PRKCH: variants seen among roughly 807,000 people sequenced by gnomAD.
PRKCH encodes protein kinase C eta, also known as protein kinase C eta type.
In PRKCH, 28 loss-of-function variants were observed where a neutral mutation model predicts 82.5. That is an observed-to-expected ratio of 0.34 (90% CI 0.25 to 0.47). The LOEUF is 0.47. Ranked by LOEUF, PRKCH falls within the 20% of genes least tolerant of loss-of-function variation. The pLI is 1.00. For missense variants in PRKCH, 705 were observed against 881.8 expected (o/e 0.80, Z 2.54); for synonymous variants, 322 against 327.4 (o/e 0.98, Z 0.18).
rs560914615 is a variant in PRKCH at position 61,370,818 on chromosome 14, A to G, written c.364-20407A>G. Among the ~76,000 whole-genome samples the G allele has an allele frequency of 1.4e-4, 22 of 152,210 alleles. No homozygotes were observed. The South Asian group carries it at 1.7e-3, about 11-fold the overall frequency. ...AATTTGCAGATAGGAGTACTCATAGAAAACTCTTGGGGTTCTCACTGTGGG... is the reference window on the plus strand; with the variant it reads ...AATTTGCAGATAGGAGTACTCATAGGAAACTCTTGGGGTTCTCACTGTGGG... On this transcript the variant is annotated intron_variant, in intron 1 of 13. Transcript: ENST00000332981.
At chr14:61,266,352 A>C (rs1473844267) in intron 1 of PRKCH, among the ~76,000 whole-genome samples, 3 of 152,214 alleles carry the variant, frequency 2.0e-5, no homozygotes, top group Non-Finnish European at 4.4e-5. Flanking sequence ...TGGGAGGCAG[A>C]GGTTGCAGTG....
chr14:61,334,327 G>A (rs1473459815), intron 1 of PRKCH, among the ~76,000 whole-genome samples: 5 of 152,108 alleles, frequency 3.3e-5, no homozygotes, highest in Non-Finnish European at 2.9e-5. Flanking sequence ...GCAGGCAAAC[G>A]CACGATGAAG....
At chr14:61,232,981 A>C (rs1172255270) in intron 1 of PRKCH, among the ~76,000 whole-genome samples, 2 of 152,220 alleles carry the variant, frequency 1.3e-5, no homozygotes, top group African/African-American at 4.8e-5. Flanking sequence ...TATATATTTC[A>C]TAGTATCATT....
At chr14:61,475,668 A>T (rs1885698633) in intron 9 of PRKCH, among the ~76,000 whole-genome samples, 1 of 152,246 alleles carries the variant, frequency 6.6e-6, no homozygotes, top group Admixed American at 6.5e-5. Context: ...CTGTTAAAAA[A>T]ATCATGGTCT....
rs145742995 is a variant in PRKCH, at chr14:61,423,049, C to T, written c.428-20062C>T. 7.9e-5 allele frequency among the ~76,000 whole-genome samples: 12 copies of T among 152,278 alleles called. No individual in the cohort carries two copies. In the East Asian group the frequency reaches 1.5e-3, roughly 20 times the overall value. On this transcript the variant is annotated intron_variant, in intron 2 of 13. Transcript: ENST00000332981. ...GAATGAATGAAGTTGCCCAAATTTA[C>T]GTGTGAAGATGTGTTGGAGCCTAAG...
At chr14:61,342,796 C>T (rs2045944806) in intron 1 of PRKCH, among the ~76,000 whole-genome samples, 1 of 152,190 alleles carries the variant, frequency 6.6e-6, no homozygotes, top group South Asian at 2.1e-4. Flanking sequence ...CACTGACTAC[C>T]ACATGAGAAA....
At chr14:61,285,523 A>G (rs1222627507) in intron 1 of PRKCH, among the ~76,000 whole-genome samples, 1 of 152,204 alleles carries the variant, frequency 6.6e-6, no homozygotes, top group Non-Finnish European at 1.5e-5. Context: ...TTTTTAAGCA[A>G]AGATTTCTGT....
chr14:61,422,611 C>G (rs1050490484), intron 2 of PRKCH, among the ~76,000 whole-genome samples: 1 of 152,204 alleles, frequency 6.6e-6, no homozygotes, highest in African/African-American at 2.4e-5. Flanking sequence ...TCGGGGGTCC[C>G]TCTGCCCCAC....
chr14:61,494,549 A>G (rs987906533), intron 10 of PRKCH, among the ~76,000 whole-genome samples: 3 of 152,214 alleles, frequency 2.0e-5, no homozygotes, highest in African/African-American at 7.2e-5. Context: ...CCTTTGGCCC[A>G]TCTGTACAGT....
At chr14:61,466,691 C>G (rs74369734) in intron 9 of PRKCH, among the ~76,000 whole-genome samples, 5,826 of 152,168 alleles carry the variant, frequency 0.038, 384 homozygotes, top group African/African-American at 0.13. Context: ...GAGGGCTGAG[C>G]GAAGTACTCC....
intron 1 of PRKCH, among the ~76,000 whole-genome samples, chr14:61,245,624 G>C (rs548271271): frequency 1.1e-4 from 16 of 140,652 alleles, no homozygotes; most frequent in Admixed American, 7.1e-5. Context: ...AATTAAGTAG[G>C]CATTTTAGTA....
At position 61,340,379 on chromosome 14, in the gene PRKCH, G is replaced by A. The variant is rs532790295; in HGVS notation, c.363+17915G>A. 4.8e-3 allele frequency among the ~76,000 whole-genome samples: 713 copies of A among 147,148 alleles called. 6 individuals are homozygous for A. The highest frequency in any genetic ancestry group is 0.017 in the African/African-American group (677 of 40,168). ...TGGTGTTCCCCAGGTGGGAGGGGGC[G>A]GGGTGGGGGGCGGGGGTGGGTGGGA... On this transcript the variant is annotated intron_variant, in intron 1 of 13. Coordinates refer to ENST00000332981, the MANE Select transcript of PRKCH (RefSeq NM_006255.5).
At chr14:61,273,075 A>G (rs1014038938) in intron 1 of PRKCH, among the ~76,000 whole-genome samples, 2 of 152,226 alleles carry the variant, frequency 1.3e-5, no homozygotes, top group Non-Finnish European at 2.9e-5. Flanking sequence ...ATTCTTTTAC[A>G]TGTACATTTT....
chr14:61,366,520 G>A (rs1256073419), intron 1 of PRKCH, among the ~76,000 whole-genome samples: 1 of 152,106 alleles, frequency 6.6e-6, no homozygotes, highest in Non-Finnish European at 1.5e-5. Context: ...GAGGTTGCAG[G>A]TTGGCTGATG....
Position 61,549,705 on chromosome 14 carries a change from T to C in PRKCH, c.1926T>C (p.Ser642=), listed in dbSNP as rs760912846. The C allele has an allele frequency of 6.2e-7, 1 of 1,612,548 alleles. No individual in the cohort carries two copies. The highest frequency in any genetic ancestry group is 8.5e-7 in the Non-Finnish European group (1 of 1,179,742). ...RPRIKSREDV[S]NFDPDFIKEE... is the part of the protein sequence containing the mutation. ...GGCAGAAATCCCGAGAAGATGTCAG[T>C]AATTTTGACCCTGACTTCATAAAGG... Residue 642 remains serine (S), a synonymous_variant, in exon 14 of 14, where the codon AGT becomes AGC. Coordinates refer to ENST00000332981, the MANE Select transcript of PRKCH (RefSeq NM_006255.5).
intron 1 of PRKCH, among the ~76,000 whole-genome samples, chr14:61,334,074 C>T (rs2045822697): frequency 6.6e-6 from 1 of 152,088 alleles, no homozygotes; most frequent in Non-Finnish European, 1.5e-5. Context: ...AGAGCAGCCC[C>T]CTAGCTAAAG....
chr14:61,387,810 G>A (rs1021941630), intron 1 of PRKCH, among the ~76,000 whole-genome samples: 1 of 152,140 alleles, frequency 6.6e-6, no homozygotes, highest in Non-Finnish European at 1.5e-5. Context: ...CTTACTACCT[G>A]TAGCATGTTC....
intron 9 of PRKCH, among the ~76,000 whole-genome samples, chr14:61,465,652 T>C (rs1003738603): frequency 6.6e-6 from 1 of 152,220 alleles, no homozygotes; most frequent in African/African-American, 2.4e-5. Flanking sequence ...TGAAATCAGG[T>C]AGTATAATGC....
At chr14:61,268,679 T>TAG (rs1200546316) in intron 1 of PRKCH, among the ~76,000 whole-genome samples, 23 of 152,084 alleles carry the variant, frequency 1.5e-4, no homozygotes, top group African/African-American at 5.3e-4. Flanking sequence ...TGCCAAAAAA[T>TAG]ATATATATAT....
Sources: allele counts gnomAD v4.1 joint callset (sites outside exome capture counted in the v4.1 genomes callset), GRCh38; gene constraint gnomAD v4.1.1; transcripts MANE v1.5; gene names NCBI Gene and HGNC (gene_info 2026-07-23, HGNC 2026-07-21).